FBXW7: variants seen among roughly 807,000 people sequenced by gnomAD.
FBXW7 encodes the protein F-box/WD repeat-containing protein 7.
Under a neutral mutation model 86.3 loss-of-function variants are expected in FBXW7, and 11 were observed. That is an observed-to-expected ratio of 0.13 (90% CI 0.08 to 0.21). FBXW7 has a LOEUF of 0.21. Ranked by LOEUF, FBXW7 falls within the 10% of genes least tolerant of loss-of-function variation. FBXW7 has a pLI of 1.00. For missense variants in FBXW7, 488 were observed against 847.4 expected (o/e 0.58, Z 5.27); for synonymous variants, 313 against 297.9 (o/e 1.05, Z -0.52).
At chr4:152,354,741 AC>A (rs909466594) in intron 4 of FBXW7, among the ~76,000 whole-genome samples, 3 of 152,122 alleles carry the variant, frequency 2.0e-5, no homozygotes, top group African/African-American at 7.2e-5. Flanking sequence ...GCTGTGAGTT[AC>A]AGGAAAACCT....
chr4:152,384,320 T>C (rs528762531), intron 4 of FBXW7, among the ~76,000 whole-genome samples: 6 of 152,200 alleles, frequency 3.9e-5, no homozygotes, highest in African/African-American at 1.4e-4. Context: ...ATGTGACATA[T>C]ACAAACAAGG....
intron 2 of FBXW7, among the ~76,000 whole-genome samples, chr4:152,476,350 TA>T (rs1744398416): frequency 6.6e-6 from 1 of 152,126 alleles, no homozygotes; most frequent in Non-Finnish European, 1.5e-5. Context: ...ATCACAGATC[TA>T]AATGTAAGAC....
At chr4:152,492,990 T>C (rs1359992435) in intron 2 of FBXW7, among the ~76,000 whole-genome samples, 1 of 151,712 alleles carries the variant, frequency 6.6e-6, no homozygotes, top group Non-Finnish European at 1.5e-5. Flanking sequence ...GTGGTAAGAC[T>C]GCCTGGGGAG....
intron 2 of FBXW7, among the ~76,000 whole-genome samples, chr4:152,518,152 C>T (rs1367456849): frequency 6.6e-6 from 1 of 152,012 alleles, no homozygotes; most frequent in Non-Finnish European, 1.5e-5. Flanking sequence ...CCACACCCAG[C>T]TAATTTTTCT....
In FBXW7 at chr4:152,350,088, A is replaced by T; in HGVS notation, c.538T>A (p.Ser180Thr). The T allele has an allele frequency of 6.4e-7, 1 of 1,568,754 alleles. No individual in the cohort carries two copies. Among genetic ancestry groups the T allele is most frequent in the Non-Finnish European group, 8.7e-7 (1 of 1,152,808 alleles). ...RKLDHGSEVR[S>T]FSLGKKPCKV... ...CATGGTTTCTTTCCCAAAGAAAAAGAGCGGACCTCAGAACCATGGTCCAAC... is the reference window on the plus strand; with the variant it reads ...CATGGTTTCTTTCCCAAAGAAAAAGTGCGGACCTCAGAACCATGGTCCAAC... The change falls in exon 5 of 14, where the codon TCT becomes ACT. Residue 180 changes from serine to threonine, a missense_variant. By Grantham distance (58) the Ser-to-Thr change is moderately conservative. Around this residue, in one of 4 missense-constraint regions of FBXW7, gnomAD observed 230 missense variants for 240.0 expected, o/e 0.96. Transcript: ENST00000281708.
intron 2 of FBXW7, among the ~76,000 whole-genome samples, chr4:152,487,131 T>C (rs1182986126): frequency 6.6e-6 from 1 of 152,140 alleles, no homozygotes; most frequent in Non-Finnish European, 1.5e-5. Flanking sequence ...GAAAGAATAA[T>C]AGATGTAGAA....
chr4:152,517,320 G>A lies in FBXW7; in HGVS notation c.-120+17621C>T, dbSNP rs374253407. 3.3e-5 allele frequency among the ~76,000 whole-genome samples: 5 copies of A among 152,204 alleles called. No homozygotes were observed. In the South Asian group the frequency reaches 1.0e-3, roughly 32 times the overall value. ...GGTAAACTCGACTATTTAAAAAAAG[G>A]AAACACAGAAATCTGAATAAAGTCT... On this transcript the variant is annotated intron_variant, in intron 2 of 13. Coordinates refer to ENST00000281708, the MANE Select transcript of FBXW7 (RefSeq NM_001349798.2).
chr4:152,514,382 T>A (rs904394737), intron 2 of FBXW7, among the ~76,000 whole-genome samples: 48 of 152,330 alleles, frequency 3.2e-4, no homozygotes, highest in African/African-American at 1.1e-3. Context: ...AAATCTTTCC[T>A]TCATGTTTCC....
chr4:152,359,409 T>A (rs1220651635), intron 4 of FBXW7, among the ~76,000 whole-genome samples: 1 of 152,014 alleles, frequency 6.6e-6, no homozygotes, highest in Non-Finnish European at 1.5e-5. Flanking sequence ...AAGACCAGCC[T>A]GGGCAATATA....
At chr4:152,451,224 A>C (rs550099712) in intron 2 of FBXW7, among the ~76,000 whole-genome samples, 10 of 152,346 alleles carry the variant, frequency 6.6e-5, no homozygotes, top group African/African-American at 2.2e-4. Flanking sequence ...ACAATTAAGG[A>C]TCTTGAGTAT....
chr4:152,532,099 C>A (rs1750071683), intron 2 of FBXW7, among the ~76,000 whole-genome samples: 1 of 152,168 alleles, frequency 6.6e-6, no homozygotes, highest in South Asian at 2.1e-4. Context: ...AACCTAAATA[C>A]TTTGAAAATA....
chr4:152,339,029 G>GAATA (rs1730447615), intron 6 of FBXW7, among the ~76,000 whole-genome samples: 1 of 152,086 alleles, frequency 6.6e-6, no homozygotes, highest in Admixed American at 6.6e-5. Context: ...GCTGTATTTG[G>GAATA]AATACTTTTT....
chr4:152,332,663 C>G lies in FBXW7; in HGVS notation c.918G>C (p.Gln306His), dbSNP rs2126548846. ...LEPKDLLQAA[Q>H]TCRYWRILAE... ...CCAAAATTCTCCAGTAGCGACATGT[C>G]TGAGCTGCTTGTAGCAGGTCTTTGG... Residue 306 changes from glutamine to histidine, a missense_variant, in exon 8 of 14, where the codon CAG becomes CAC. Transcript: ENST00000281708. The G allele has an allele frequency of 6.2e-7, 1 of 1,605,848 alleles. No individual in the cohort carries two copies. Among genetic ancestry groups the G allele is most frequent in the Non-Finnish European group, 8.5e-7 (1 of 1,174,764 alleles).
intron 2 of FBXW7, among the ~76,000 whole-genome samples, chr4:152,414,300 T>A (rs1267391669): frequency 6.6e-6 from 1 of 152,030 alleles, no homozygotes; most frequent in African/African-American, 2.4e-5. Context: ...AACTGCACAA[T>A]CACTAACAAA....
intron 4 of FBXW7, among the ~76,000 whole-genome samples, chr4:152,351,547 G>A (rs1189085672): frequency 2.0e-5 from 3 of 152,002 alleles, no homozygotes; most frequent in Admixed American, 2.0e-4. Flanking sequence ...AAATATAAAA[G>A]CTGAAGTATA....
chr4:152,506,322 G>A (rs557953777), intron 2 of FBXW7, among the ~76,000 whole-genome samples: 5 of 152,174 alleles, frequency 3.3e-5, no homozygotes, highest in East Asian at 1.9e-4. Flanking sequence ...TAGTAGAGAC[G>A]GGGTTTCACC....
At chr4:152,398,709 G>C (rs1464767211) in intron 4 of FBXW7, among the ~76,000 whole-genome samples, 1 of 151,812 alleles carries the variant, frequency 6.6e-6, no homozygotes, top group African/African-American at 2.4e-5. Context: ...CATCCAACTT[G>C]ATTCTTTTTA....
chr4:152,325,305 T>C (rs1728919538), intron 12 of FBXW7: 1 of 152,170 alleles, frequency 6.6e-6, no homozygotes, highest in Non-Finnish European at 1.5e-5. Context: ...ATGTACTAAT[T>C]TGCTGAACAT....
intron 2 of FBXW7, among the ~76,000 whole-genome samples, chr4:152,526,890 G>A (rs1289255101): frequency 6.6e-6 from 1 of 152,100 alleles, no homozygotes; most frequent in East Asian, 1.9e-4. Context: ...CATTTCTTCA[G>A]TTTTTAATAA....
Sources: allele counts gnomAD v4.1 joint callset (sites outside exome capture counted in the v4.1 genomes callset), GRCh38; gene constraint gnomAD v4.1.1; regional missense constraint gnomAD v4.1.1; transcripts MANE v1.5; gene names NCBI Gene and HGNC (gene_info 2026-07-23, HGNC 2026-07-21).